Variants in NAALADL2 observed in about 807,000 individuals in gnomAD.
The protein encoded by NAALADL2 is inactive N-acetylated-alpha-linked acidic dipeptidase-like protein 2.
A neutral mutation model predicts 87.2 loss-of-function variants in NAALADL2; 76 were observed. That is an observed-to-expected ratio of 0.87 (90% CI 0.72 to 1.05). NAALADL2 has a LOEUF of 1.05. NAALADL2 is among the 50% of genes least tolerant of loss of function. The probability of loss-of-function intolerance (pLI) is 0.00; values close to 1 mark genes in which losing one functional copy is unlikely to be tolerated. For synonymous variants in NAALADL2, 354 were observed against 331.0 expected, an observed-to-expected ratio of 1.07 and a Z score of -0.75; for missense variants, 1,089 against 945.8, an observed-to-expected ratio of 1.15 and a Z score of -1.99.
intron 2 of NAALADL2, among the ~76,000 whole-genome samples, chr3:174,657,804 C>G (rs1725121037): frequency 6.6e-6 from 1 of 152,112 alleles, no homozygotes; most frequent in African/African-American, 2.4e-5. Flanking sequence ...TTCCTTTTAA[C>G]CCCTGGCTAC....
At chr3:174,989,743 C>T (rs910674657) in intron 1 of NAALADL2, among the ~76,000 whole-genome samples, 7 of 152,064 alleles carry the variant, frequency 4.6e-5, no homozygotes, top group Admixed American at 6.6e-5. Context: ...AAATTGAACC[C>T]GAGTCAGGCA....
chr3:175,379,745 C>G (rs562757557), intron 5 of NAALADL2, among the ~76,000 whole-genome samples: 1 of 152,074 alleles, frequency 6.6e-6, no homozygotes, highest in Admixed American at 6.6e-5. Flanking sequence ...GTAAATATTC[C>G]TCAAAGGTTT....
At chr3:175,581,891 G>A (rs62284485) in intron 10 of NAALADL2, among the ~76,000 whole-genome samples, 2 of 152,078 alleles carry the variant, frequency 1.3e-5, no homozygotes, top group Non-Finnish European at 2.9e-5. Flanking sequence ...CTTATTCAAA[G>A]ATTTGAGCTG....
intron 2 of NAALADL2, among the ~76,000 whole-genome samples, chr3:175,159,896 G>T (rs926692982): frequency 6.6e-6 from 1 of 150,860 alleles, no homozygotes. Flanking sequence ...GGGTGCAGTG[G>T]CAGGATCTCA....
At chr3:175,394,907 C>T (rs1014211073) in intron 5 of NAALADL2, among the ~76,000 whole-genome samples, 11 of 152,094 alleles carry the variant, frequency 7.2e-5, no homozygotes, top group Non-Finnish European at 1.0e-4. Flanking sequence ...TTCTTACCTC[C>T]GATTTTAGCA....
chr3:175,653,754 G>C (rs1165659804), intron 11 of NAALADL2, among the ~76,000 whole-genome samples: 1 of 152,122 alleles, frequency 6.6e-6, no homozygotes, highest in Non-Finnish European at 1.5e-5. Context: ...AATCTCACAA[G>C]ACTTTCATGA....
At chr3:175,395,267 A>AATTAAAAACTT (rs1290736656) in intron 5 of NAALADL2, among the ~76,000 whole-genome samples, 3 of 152,160 alleles carry the variant, frequency 2.0e-5, no homozygotes, top group Non-Finnish European at 2.9e-5. Flanking sequence ...AAGAGTGTAC[A>AATTAAAAACTT]ATTAAAAACT....
At chr3:175,092,697 T>C (rs995417173) in intron 1 of NAALADL2, among the ~76,000 whole-genome samples, 1 of 151,908 alleles carries the variant, frequency 6.6e-6, no homozygotes, top group African/African-American at 2.4e-5. Flanking sequence ...AATCTAAGTC[T>C]GTCACAGTCC....
chr3:174,875,504 T>A (rs1728396008), intron 1 of NAALADL2, among the ~76,000 whole-genome samples: 1 of 152,186 alleles, frequency 6.6e-6, no homozygotes, highest in Non-Finnish European at 1.5e-5. Context: ...ATAGGTTTTG[T>A]CAGATTTTGA....
intron 9 of NAALADL2, among the ~76,000 whole-genome samples, chr3:175,527,283 G>T (rs1334539469): frequency 1.3e-5 from 2 of 152,088 alleles, no homozygotes; most frequent in African/African-American, 4.8e-5. Context: ...TAGCTGATGA[G>T]GCCCTTCAAC....
intron 2 of NAALADL2, among the ~76,000 whole-genome samples, chr3:174,712,349 G>C (rs550298082): frequency 1.3e-3 from 175 of 133,610 alleles, no homozygotes; most frequent in African/African-American, 4.8e-3. Flanking sequence ...CTACTCATAT[G>C]TTCCCTATTA....
intron 11 of NAALADL2, among the ~76,000 whole-genome samples, chr3:175,707,275 C>T (rs992229905): frequency 1.7e-4 from 26 of 152,038 alleles, no homozygotes; most frequent in African/African-American, 6.3e-4. Flanking sequence ...ATAGACATAG[C>T]TGTATTCCAA....
At chr3:174,523,417 A>T (rs1281777755) in intron 1 of NAALADL2, 1 of 152,164 alleles carries the variant, frequency 6.6e-6, no homozygotes, top group African/African-American at 2.4e-5. Flanking sequence ...TTTTAGTGTA[A>T]TTTCGGCTTA....
intron 1 of NAALADL2, among the ~76,000 whole-genome samples, chr3:175,086,424 AAG>A (rs1491170081): frequency 6.6e-6 from 1 of 152,124 alleles, no homozygotes; most frequent in African/African-American, 2.4e-5. Flanking sequence ...AACAAAAAAA[AAG>A]AAACGGGAAA....
chr3:175,464,423 CAAA>C (rs11299560), intron 7 of NAALADL2, among the ~76,000 whole-genome samples: 16 of 97,170 alleles, frequency 1.6e-4, no homozygotes, highest in African/African-American at 4.4e-4. Flanking sequence ...GACTCCATCT[CAAA>C]AAAAAAAAAA....
At chr3:175,252,146 T>C (rs1749171703) in intron 3 of NAALADL2, among the ~76,000 whole-genome samples, 1 of 152,232 alleles carries the variant, frequency 6.6e-6, no homozygotes, top group African/African-American at 2.4e-5. Flanking sequence ...CTGGATTTAT[T>C]GTGTTTCACC....
intron 1 of NAALADL2, among the ~76,000 whole-genome samples, chr3:175,091,079 T>C (rs555161131): frequency 6.6e-6 from 1 of 152,262 alleles, no homozygotes; most frequent in East Asian, 1.9e-4. Context: ...GGTGATAACA[T>C]TAAAGCTTTC....
intron 4 of NAALADL2, among the ~76,000 whole-genome samples, chr3:175,292,991 A>C (rs549330155): frequency 7.7e-4 from 104 of 135,806 alleles, no homozygotes; most frequent in East Asian, 4.7e-4. Flanking sequence ...GAGCCGAGAT[A>C]GCGCCACTGC....
chr3:175,733,988 G>GC (rs1195473759), intron 11 of NAALADL2, among the ~76,000 whole-genome samples: 1 of 152,158 alleles, frequency 6.6e-6, no homozygotes, highest in Non-Finnish European at 1.5e-5. Flanking sequence ...GCAGGGTATA[G>GC]CCCCCCTCCT....
Sources: allele counts gnomAD v4.1 joint callset (sites outside exome capture counted in the v4.1 genomes callset), GRCh38; gene constraint gnomAD v4.1.1; transcripts MANE v1.5; gene names NCBI Gene and HGNC (gene_info 2026-07-23, HGNC 2026-07-21).